The following PTPRT variants were observed in gnomAD, a reference collection of about 807,000 sequenced individuals.
PTPRT encodes protein tyrosine phosphatase receptor type T.
A neutral mutation model predicts 176.8 loss-of-function variants in PTPRT; 56 were observed. That is an observed-to-expected ratio of 0.32 (90% confidence interval 0.26 to 0.40). PTPRT has a LOEUF of 0.40. Ranked by LOEUF, PTPRT falls within the 10% of genes least tolerant of loss-of-function variation. The pLI is 1.00. For synonymous variants in PTPRT, 783 were observed against 739.0 expected (o/e 1.06, Z -0.96); for missense variants, 1,540 against 1,908.2 (o/e 0.81, Z 3.60).
At chr20:42,818,216 A>C (rs1014653609) in intron 2 of PTPRT, among the ~76,000 whole-genome samples, 2 of 152,136 alleles carry the variant, frequency 1.3e-5, no homozygotes, top group African/African-American at 4.8e-5. Context: ...ATCTCCAGGC[A>C]CAGGAGCAAA....
rs559624943 is a variant in PTPRT at position 42,880,086 on chromosome 20, G to A, written c.214+5721C>T. ...GGATCTGCTGGTGCCACACTCCTCC[G>A]TGGCAGTACCTGAGGAGGGGCAGGC... On this transcript the variant is annotated intron_variant, in intron 2 of 30. Coordinates refer to ENST00000373187, the MANE Select transcript of PTPRT (RefSeq NM_007050.6). 1.1e-4 allele frequency among the ~76,000 whole-genome samples: 17 copies of A among 152,254 alleles called. No individual in the cohort carries two copies. In the East Asian group the frequency reaches 3.1e-3, roughly 28 times the overall value.
rs1039075592 is a variant in PTPRT, at chr20:42,422,375, C to T, written c.1560+25845G>A. ...ATTTACAAGAGAAAAAAAACCCATACAAAAGTGGGCAAAAAATATGAGCAG... is the reference window on the plus strand; with the variant it reads ...ATTTACAAGAGAAAAAAAACCCATATAAAAGTGGGCAAAAAATATGAGCAG... On this transcript the variant is annotated intron_variant, in intron 9 of 30. Transcript: ENST00000373187. Among the ~76,000 whole-genome samples, 20 of 152,172 alleles carry T rather than the reference C, an allele frequency of 1.3e-4. 2 individuals are homozygous for T. The highest frequency in any genetic ancestry group is 9.8e-4 in the Admixed American group (15 of 15,276).
At position 42,199,368 on chromosome 20, in the gene PTPRT, T is replaced by C; in HGVS notation, c.2363A>G (p.Lys788Arg). 4 of 1,613,876 alleles carry C rather than the reference T, an allele frequency of 2.5e-6. No individual in the cohort carries two copies. The South Asian group carries it at 4.4e-5, about 18-fold the overall frequency. The part of the protein sequence containing the change: ...SYYLKLAKKQ[K>R]ETQSGAQREM... Reference sequence around the variant, plus strand: ...CCTCTGGGCTCCACTCTGGGTCTCCTTCTGCTTCTTGGCCAGCTTCCTTTG... The same window carrying C: ...CCTCTGGGCTCCACTCTGGGTCTCCCTCTGCTTCTTGGCCAGCTTCCTTTG... Residue 788 changes from lysine to arginine, a missense_variant, in exon 16 of 31, where the codon AAG becomes AGG. Lys to Arg is a conservative substitution (Grantham distance 26, BLOSUM62 2). This residue lies in a region of PTPRT where 255 missense variants were observed against 250.1 expected (regional missense o/e 1.02). Coordinates refer to ENST00000373187, the MANE Select transcript of PTPRT (RefSeq NM_007050.6).
intron 7 of PTPRT, among the ~76,000 whole-genome samples, chr20:42,666,059 T>A (rs1414093948): frequency 6.6e-6 from 1 of 151,958 alleles, no homozygotes; most frequent in Non-Finnish European, 1.5e-5. Context: ...AACCTGCACG[T>A]TGTGCACATG....
At chr20:43,181,074 C>T (rs1031534374) in intron 1 of PTPRT, among the ~76,000 whole-genome samples, 1 of 152,182 alleles carries the variant, frequency 6.6e-6, no homozygotes, top group Non-Finnish European at 1.5e-5. Context: ...GATGAAGTGG[C>T]CTGTGTGGCA....
At chr20:42,520,321 C>G (rs2072147739) in intron 7 of PTPRT, among the ~76,000 whole-genome samples, 1 of 152,080 alleles carries the variant, frequency 6.6e-6, no homozygotes, top group African/African-American at 2.4e-5. Context: ...CTCAAGTCAA[C>G]AAATACAATT....
intron 7 of PTPRT, among the ~76,000 whole-genome samples, chr20:42,576,774 T>A (rs1443322810): frequency 6.6e-6 from 1 of 152,240 alleles, no homozygotes; most frequent in Admixed American, 6.5e-5. Flanking sequence ...AAATTCTCAA[T>A]CATCTTTTCT....
At chr20:42,179,200 A>ATATT (rs1371187906) in intron 16 of PTPRT, among the ~76,000 whole-genome samples, 1 of 152,210 alleles carries the variant, frequency 6.6e-6, no homozygotes, top group African/African-American at 2.4e-5. Flanking sequence ...ATATGAGAGT[A>ATATT]TATTATAATA....
intron 1 of PTPRT, among the ~76,000 whole-genome samples, chr20:43,181,896 G>A (rs1447131052): frequency 6.6e-6 from 1 of 152,158 alleles, no homozygotes; most frequent in Non-Finnish European, 1.5e-5. Flanking sequence ...AGGTCTGGAG[G>A]TGGTAAATAA....
At chr20:42,363,284 ATATATATATATATATATTTTT>A (rs1198729937) in intron 9 of PTPRT, among the ~76,000 whole-genome samples, 1 of 17,770 alleles carries the variant, frequency 5.6e-5, no homozygotes, top group East Asian at 9.2e-4. Context: ...ATATATATAT[ATATATATATATATATATTTTT>A]TTTTTTTTTT....
chr20:42,037,536 C>T, the PTPRT span, among the ~76,000 whole-genome samples: 1 of 152,196 alleles, frequency 6.6e-6, no homozygotes, highest in Non-Finnish European at 1.5e-5. Context: ...GTGAGCAACA[C>T]CCAGTGGCAC....
intron 7 of PTPRT, among the ~76,000 whole-genome samples, chr20:42,531,581 CA>C (rs1023588890): frequency 3.3e-5 from 5 of 152,320 alleles, no homozygotes; most frequent in African/African-American, 1.2e-4. Context: ...CAGCCTCCAA[CA>C]GTTTCATTTT....
chr20:42,959,847 A>C (rs986048433), intron 1 of PTPRT, among the ~76,000 whole-genome samples: 2 of 152,186 alleles, frequency 1.3e-5, no homozygotes, highest in Non-Finnish European at 2.9e-5. Flanking sequence ...AGTCCAAGAG[A>C]GAACAAGGAC....
At chr20:42,529,348 G>T (rs537468266) in intron 7 of PTPRT, among the ~76,000 whole-genome samples, 27 of 152,278 alleles carry the variant, frequency 1.8e-4, no homozygotes, top group Non-Finnish European at 3.5e-4. Flanking sequence ...TAATGAGCCG[G>T]GTTTGACACA....
At chr20:43,109,023 C>T (rs1568790124) in intron 1 of PTPRT, among the ~76,000 whole-genome samples, 1 of 152,140 alleles carries the variant, frequency 6.6e-6, no homozygotes, top group African/African-American at 2.4e-5. Flanking sequence ...TGGATGGCTG[C>T]ATCCAAGGAG....
At chr20:42,789,194 G>A (rs2077337114) in intron 3 of PTPRT, among the ~76,000 whole-genome samples, 2 of 152,152 alleles carry the variant, frequency 1.3e-5, no homozygotes, top group South Asian at 4.1e-4. Flanking sequence ...GATTGACAGG[G>A]AGAGAACAGA....
At chr20:42,401,269 C>A (rs2058904653) in intron 9 of PTPRT, among the ~76,000 whole-genome samples, 1 of 152,088 alleles carries the variant, frequency 6.6e-6, no homozygotes, top group African/African-American at 2.4e-5. Context: ...TTCCCTCACT[C>A]TCCACCATCT....
At chr20:43,185,060 A>G (rs2015357107) in intron 1 of PTPRT, among the ~76,000 whole-genome samples, 1 of 152,182 alleles carries the variant, frequency 6.6e-6, no homozygotes, top group Admixed American at 6.5e-5. Flanking sequence ...CATTGAAAAT[A>G]TGTGGCTTTC....
At chr20:43,129,514 T>C in intron 1 of PTPRT, among the ~76,000 whole-genome samples, 1 of 152,008 alleles carries the variant, frequency 6.6e-6, no homozygotes, top group African/African-American at 2.4e-5. Context: ...TGTGTGATCC[T>C]CTGTCAAGTT....
Sources: allele counts gnomAD v4.1 joint callset (sites outside exome capture counted in the v4.1 genomes callset), GRCh38; gene constraint gnomAD v4.1.1; regional missense constraint gnomAD v4.1.1; transcripts MANE v1.5; gene names NCBI Gene and HGNC (gene_info 2026-07-23, HGNC 2026-07-21).